The following XPR1 variants were observed in gnomAD, a reference collection of about 807,000 sequenced individuals.
The protein encoded by XPR1 is xenotropic and polytropic retrovirus receptor 1.
In XPR1, 28 loss-of-function variants were observed where a neutral mutation model predicts 87.5. The observed-to-expected ratio is 0.32, with a 90% CI of 0.24 to 0.44. XPR1 has a LOEUF of 0.44. Ranked by LOEUF, XPR1 falls within the 20% of genes least tolerant of loss-of-function variation. The pLI, the probability that XPR1 is intolerant of heterozygous loss-of-function variation, is 1.00. For synonymous variants in XPR1, 300 were observed against 306.1 expected (o/e 0.98, Z 0.21); for missense variants, 559 against 862.3 (o/e 0.65, Z 4.41).
intron 2 of XPR1, among the ~76,000 whole-genome samples, chr1:180,744,291 A>C (rs1187278967): frequency 2.0e-5 from 3 of 150,642 alleles, no homozygotes; most frequent in Non-Finnish European, 4.4e-5. Context: ...TTATTTGTTA[A>C]ATTTTTCAGT....
intron 1 of XPR1, among the ~76,000 whole-genome samples, chr1:180,669,088 T>TAA (rs747188399): frequency 7.2e-5 from 8 of 111,846 alleles, no homozygotes; most frequent in South Asian, 2.9e-4. Flanking sequence ...AAACTCTGTC[T>TAA]AAAAAAAAAA....
intron 2 of XPR1, among the ~76,000 whole-genome samples, chr1:180,694,899 T>C (rs1484175715): frequency 1.3e-5 from 2 of 152,170 alleles, no homozygotes; most frequent in East Asian, 1.9e-4. Context: ...CCCTTTGATA[T>C]ACTAATTTTC....
chr1:180,679,186 C>G (rs763220211), intron 1 of XPR1, among the ~76,000 whole-genome samples: 1 of 151,656 alleles, frequency 6.6e-6, no homozygotes, highest in Non-Finnish European at 1.5e-5. Context: ...CAGAGCGAGA[C>G]TCCATCTCAA....
chr1:180,708,916 G>T (rs1439119994), intron 2 of XPR1, among the ~76,000 whole-genome samples: 1 of 116,612 alleles, frequency 8.6e-6, no homozygotes, highest in Non-Finnish European at 1.8e-5. Flanking sequence ...TTTTGGGGGG[G>T]GGGGGGCGGG....
At chr1:180,868,769 A>G (rs1368249134) in intron 12 of XPR1, among the ~76,000 whole-genome samples, 4 of 25,410 alleles carry the variant, frequency 1.6e-4, no homozygotes, top group Non-Finnish European at 2.7e-4. Flanking sequence ...AACAGGGACA[A>G]TTTGACTTCC....
intron 2 of XPR1, among the ~76,000 whole-genome samples, chr1:180,743,729 A>C (rs778901367): frequency 4.6e-5 from 7 of 151,944 alleles, no homozygotes; most frequent in African/African-American, 9.7e-5. Flanking sequence ...TCTTTATTTC[A>C]CCTTCATTCC....
intron 2 of XPR1, among the ~76,000 whole-genome samples, chr1:180,761,195 A>C (rs947713502): frequency 1.2e-4 from 19 of 152,250 alleles, no homozygotes; most frequent in Non-Finnish European, 2.2e-4. Context: ...CCGGTAATTC[A>C]GGACATAGGC....
intron 2 of XPR1, among the ~76,000 whole-genome samples, chr1:180,724,557 G>A (rs1658273151): frequency 2.0e-5 from 3 of 151,988 alleles, no homozygotes. Flanking sequence ...AGTTAAGTAA[G>A]GGTTTGTGGG....
intron 2 of XPR1, among the ~76,000 whole-genome samples, chr1:180,689,802 A>T (rs1656919516): frequency 6.6e-6 from 1 of 152,152 alleles, no homozygotes; most frequent in African/African-American, 2.4e-5. Context: ...TTTAGAGGAT[A>T]TTGGAACTCT....
At chr1:180,788,564 A>G (rs1649264389) in intron 3 of XPR1, among the ~76,000 whole-genome samples, 1 of 152,148 alleles carries the variant, frequency 6.6e-6, no homozygotes, top group Non-Finnish European at 1.5e-5. Context: ...TGGAAATGTT[A>G]CACATAGTTC....
chr1:180,745,710 A>G (rs1376470849), intron 2 of XPR1, among the ~76,000 whole-genome samples: 2 of 152,216 alleles, frequency 1.3e-5, no homozygotes, highest in Admixed American at 6.5e-5. Context: ...TTTGGGCAGC[A>G]TTGAGTACAG....
At chr1:180,795,293 A>G (rs989579711) in intron 3 of XPR1, among the ~76,000 whole-genome samples, 1 of 152,196 alleles carries the variant, frequency 6.6e-6, no homozygotes, top group Non-Finnish European at 1.5e-5. Context: ...AGCAAAATAT[A>G]TTGCTAACCC....
chr1:180,783,928 A>G (rs1293887910), intron 2 of XPR1, among the ~76,000 whole-genome samples: 2 of 151,800 alleles, frequency 1.3e-5, no homozygotes. Context: ...GATGGCAGGC[A>G]CTTGTAATTC....
At position 180,661,476 on chromosome 1, in the gene XPR1, CGTGTGTGTGTGTGT is replaced by C. The variant is rs60527318; in HGVS notation, c.70-20854_70-20841del. 6.6e-3 allele frequency among the ~76,000 whole-genome samples: 934 copies of C among 142,452 alleles called. 6 individuals carry two copies. The highest frequency in any genetic ancestry group is 9.5e-3 in the Non-Finnish European group (626 of 65,850). The allele number at this position is 142,452 out of a possible 152,430, so 93.5% of individuals were successfully genotyped here. On this transcript the variant is annotated intron_variant, in intron 1 of 14. Transcript: ENST00000367590. ...TCTCTGCTGGTATGTTTTAATTTTT[CGTGTGTGTGTGTGT>C]GTGTGTGTGTGTGTGTGTGTGTGTG...
At chr1:180,695,050 C>T (rs1657117755) in intron 2 of XPR1, among the ~76,000 whole-genome samples, 1 of 152,036 alleles carries the variant, frequency 6.6e-6, no homozygotes, top group Non-Finnish European at 1.5e-5. Flanking sequence ...GCATCTTCAG[C>T]AGTATTGTTA....
chr1:180,823,735 A>C (rs1650723580), intron 7 of XPR1, among the ~76,000 whole-genome samples: 1 of 152,236 alleles, frequency 6.6e-6, no homozygotes. Context: ...AGTGCTTAAG[A>C]GTATGAACTT....
intron 11 of XPR1, among the ~76,000 whole-genome samples, chr1:180,844,677 G>A (rs1038405524): frequency 2.0e-5 from 3 of 152,182 alleles, no homozygotes; most frequent in Admixed American, 1.3e-4. Context: ...GGCTGGGCTC[G>A]GCTGGATAGC....
intron 2 of XPR1, among the ~76,000 whole-genome samples, chr1:180,758,114 T>TACACACACACACACACACACACAC (rs71121050): frequency 5.4e-4 from 76 of 141,182 alleles, no homozygotes; most frequent in Non-Finnish European, 8.6e-4. Flanking sequence ...TATAGAAGGA[T>TACACACACACACACACACACACAC]ACACACACAC....
intron 2 of XPR1, among the ~76,000 whole-genome samples, chr1:180,783,270 A>G (rs1375436805): frequency 1.3e-5 from 2 of 152,126 alleles, no homozygotes; most frequent in South Asian, 2.1e-4. Context: ...CAAACAAACA[A>G]AAACTCTATT....
Sources: allele counts gnomAD v4.1 joint callset (sites outside exome capture counted in the v4.1 genomes callset), GRCh38; gene constraint gnomAD v4.1.1; transcripts MANE v1.5; gene names NCBI Gene and HGNC (gene_info 2026-07-23, HGNC 2026-07-21).